Variants in EYS observed in about 807,000 individuals in gnomAD.
The protein encoded by EYS is EGF-like photoreceptor maintenance factor, also known as protein eyes shut homolog.
Under a neutral mutation model 282.1 loss-of-function variants are expected in EYS, and 250 were observed. That is an observed-to-expected ratio of 0.89 (90% CI 0.80 to 0.98). EYS has a LOEUF of 0.98. EYS is among the 50% of genes least tolerant of loss of function. EYS has a pLI of 0.00. For synonymous variants in EYS, 1,355 were observed against 1,282.9 expected, an observed-to-expected ratio of 1.06 and a Z score of -1.20; for missense variants, 4,016 against 3,709.0, an observed-to-expected ratio of 1.08 and a Z score of -2.15.
chr6:65,258,938 GA>G (rs1401433086), intron 12 of EYS, among the ~76,000 whole-genome samples: 2 of 152,000 alleles, frequency 1.3e-5, no homozygotes, highest in Non-Finnish European at 2.9e-5. Flanking sequence ...ATACAAGTAG[GA>G]AAACCCTGCA....
At chr6:65,409,896 T>G (rs770175719) in intron 5 of EYS, among the ~76,000 whole-genome samples, 26 of 152,080 alleles carry the variant, frequency 1.7e-4, no homozygotes, top group Non-Finnish European at 2.5e-4. Context: ...TATAAAATGT[T>G]CAGTGACCAC....
At chr6:65,383,939 C>T (rs1212956765) in intron 8 of EYS, among the ~76,000 whole-genome samples, 1 of 151,798 alleles carries the variant, frequency 6.6e-6, no homozygotes, top group African/African-American at 2.4e-5. Flanking sequence ...CTACAAGTAA[C>T]ATTGCTAGGT....
intron 41 of EYS, among the ~76,000 whole-genome samples, chr6:63,737,539 C>G (rs1466787721): frequency 1.3e-5 from 2 of 152,110 alleles, no homozygotes; most frequent in Admixed American, 6.6e-5. Flanking sequence ...GGATATTGGT[C>G]TAAAATTCTC....
intron 19 of EYS, among the ~76,000 whole-genome samples, chr6:64,862,818 A>G (rs1766293135): frequency 6.6e-6 from 1 of 152,274 alleles, no homozygotes; most frequent in Non-Finnish European, 1.5e-5. Context: ...TGTTTCTGAT[A>G]AGAAATCAAA....
chr6:65,264,959 A>G (rs1767712818), intron 12 of EYS, among the ~76,000 whole-genome samples: 1 of 151,928 alleles, frequency 6.6e-6, no homozygotes, highest in Non-Finnish European at 1.5e-5. Flanking sequence ...CTATTGCATT[A>G]GTATACAATG....
At chr6:65,513,405 A>G (rs935751085) in intron 2 of EYS, among the ~76,000 whole-genome samples, 3 of 152,126 alleles carry the variant, frequency 2.0e-5, no homozygotes, top group Non-Finnish European at 4.4e-5. Flanking sequence ...ATTCCAATCA[A>G]TAGAAAAAGA....
intron 22 of EYS, among the ~76,000 whole-genome samples, chr6:64,654,913 T>C (rs1026709425): frequency 6.6e-6 from 1 of 152,190 alleles, no homozygotes; most frequent in African/African-American, 2.4e-5. Flanking sequence ...AGTTTAGTTT[T>C]AATCATCCCG....
rs571999715 is a variant in EYS at position 64,854,423 on chromosome 6, T to C, written c.2993-31601A>G. Among the ~76,000 whole-genome samples, 43 of 152,172 alleles carry C rather than the reference T, an allele frequency of 2.8e-4. No individual in the cohort carries two copies. The South Asian group carries it at 8.9e-3, about 32-fold the overall frequency. ...AATACTATGCAGCCATAAAAAAGGA[T>C]GAGTTCATGTTCTTTGTAGGGACAT... On this transcript the variant is annotated intron_variant, in intron 19 of 42. Coordinates refer to ENST00000503581, the MANE Select transcript of EYS (RefSeq NM_001142800.2).
At chr6:65,483,999 G>T (rs12664444) in intron 5 of EYS, among the ~76,000 whole-genome samples, 26,496 of 151,964 alleles carry the variant, frequency 0.17, 2,873 homozygotes, top group East Asian at 0.27. Context: ...CCCACAACAC[G>T]TGGGAATTCA....
intron 14 of EYS, among the ~76,000 whole-genome samples, chr6:64,976,570 G>A (rs143166017): frequency 0.01 from 1,565 of 151,954 alleles, 24 homozygotes; most frequent in African/African-American, 0.036. Flanking sequence ...TTTTATAAAA[G>A]CAGTAATCTC....
At chr6:63,761,947 G>C (rs1769653427) in intron 41 of EYS, among the ~76,000 whole-genome samples, 1 of 152,068 alleles carries the variant, frequency 6.6e-6, no homozygotes, top group Admixed American at 6.6e-5. Flanking sequence ...AGCACCCAGA[G>C]ATTGCTGAGC....
intron 12 of EYS, among the ~76,000 whole-genome samples, chr6:65,063,116 T>C (rs766738968): frequency 4.6e-5 from 7 of 151,954 alleles, no homozygotes; most frequent in Non-Finnish European, 8.8e-5. Context: ...TGCAACTGTT[T>C]ATATAAAACA....
chr6:63,933,096 T>C (rs1257571237), intron 35 of EYS, among the ~76,000 whole-genome samples: 1 of 152,212 alleles, frequency 6.6e-6, no homozygotes, highest in Non-Finnish European at 1.5e-5. Flanking sequence ...GGGCAAGGCA[T>C]GTGGAAAGGG....
intron 35 of EYS, among the ~76,000 whole-genome samples, chr6:63,874,198 C>CCTT (rs1772898053): frequency 5.3e-5 from 8 of 152,212 alleles, no homozygotes; most frequent in South Asian, 4.1e-4. Context: ...AATCCAATTT[C>CCTT]AGCTTTCTAC....
Position 64,590,786 on chromosome 6 carries a change from A to G in EYS, c.5081T>C (p.Val1694Ala). 1 of 1,550,272 alleles carries G rather than the reference A, an allele frequency of 6.5e-7. No individual in the cohort carries two copies. Among genetic ancestry groups the G allele is most frequent in the South Asian group, 1.2e-5 (1 of 84,010 alleles). ...TSKMTTDELS[V>A]SENILKLLKI... ...CAATAGTTTTAAAATGTTTTCTGAT[A>G]CTGACAGTTCATCAGTAGTCATTTT... Residue 1694 changes from valine (V) to alanine (A), a missense_variant, in exon 26 of 43, where the codon GTA (valine) becomes GCA (alanine). Val to Ala is a moderately conservative substitution (Grantham distance 64). Coordinates refer to ENST00000503581, the MANE Select transcript of EYS (RefSeq NM_001142800.2).
chr6:64,941,013 T>C (rs527558529), intron 15 of EYS, among the ~76,000 whole-genome samples: 1 of 152,212 alleles, frequency 6.6e-6, no homozygotes, highest in East Asian at 1.9e-4. Flanking sequence ...AAGAAAAGGA[T>C]TTAGTTATGA....
At chr6:65,060,494 A>T (rs1773537673) in intron 12 of EYS, among the ~76,000 whole-genome samples, 1 of 151,908 alleles carries the variant, frequency 6.6e-6, no homozygotes. Context: ...TTACAGGAAC[A>T]TCATGGTCTG....
intron 39 of EYS, among the ~76,000 whole-genome samples, chr6:63,782,824 T>G (rs1004084263): frequency 6.6e-6 from 1 of 152,194 alleles, no homozygotes; most frequent in African/African-American, 2.4e-5. Flanking sequence ...GCTTCTCTAG[T>G]TCTTTTAATT....
At chr6:64,463,991 AAGATAAAATT>A in intron 26 of EYS, among the ~76,000 whole-genome samples, 1 of 152,304 alleles carries the variant, frequency 6.6e-6, no homozygotes, top group Non-Finnish European at 1.5e-5. Context: ...TCACAACAAA[AAGATAAAATT>A]ACAGACCAAC....
Sources: allele counts gnomAD v4.1 joint callset (sites outside exome capture counted in the v4.1 genomes callset), GRCh38; gene constraint gnomAD v4.1.1; transcripts MANE v1.5; gene names NCBI Gene and HGNC (gene_info 2026-07-23, HGNC 2026-07-21).